Variants in MIAT observed in about 807,000 individuals in gnomAD.
MIAT encodes the protein MI related novel mRNA.
rs150465374 is a variant in MIAT, at chr22:26,656,933, T to TA, written n.647-6377dup. On this transcript the variant is annotated intron_variant and non_coding_transcript_variant, in intron 2 of 5. Coordinates refer to ENST00000643270, the Ensembl canonical transcript of MIAT. ...CTAAAACAATAAGAATAAATAATAA[T>TA]AAAAAATTCAAGATTAAACCTATAA... Among the ~76,000 whole-genome samples, 254 of 152,182 alleles carry TA rather than the reference T, an allele frequency of 1.7e-3. 6 individuals carry two copies. In the East Asian group the frequency reaches 0.041, roughly 25 times the overall value.
At chr22:26,673,716 C>T (rs2146022296), downstream of MIAT, 1 of 398,570 alleles carries the variant, frequency 2.5e-6, no homozygotes, top group Non-Finnish European at 4.4e-6. Context: ...CAGGGAAAAG[C>T]ATAGCTAACA....
intron 2 of MIAT, among the ~76,000 whole-genome samples, chr22:26,656,423 C>T (rs1930456385): frequency 6.6e-6 from 1 of 151,204 alleles, no homozygotes; most frequent in African/African-American, 2.4e-5. Context: ...CTCCCGGGTT[C>T]GAGTGATTCT....
chr22:26,664,005 CTTTTTTTTTTTTTTT>C (rs202155948), intron 3 of MIAT, among the ~76,000 whole-genome samples: 1 of 116,266 alleles, frequency 8.6e-6, no homozygotes. Flanking sequence ...CTGTGTTCAG[CTTTTTTTTTTTTTTT>C]TTTTTTTTTG....
exon 4 of MIAT, chr22:26,666,398 C>G: frequency 2.5e-6 from 1 of 398,682 alleles, no homozygotes; most frequent in South Asian, 1.3e-4. Context: ...AGAAAAATAA[C>G]TGAGGCTGGG....
At chr22:26,670,759 G>GT, downstream of MIAT, 2 of 398,568 alleles carry the variant, frequency 5.0e-6, no homozygotes, top group Non-Finnish European at 8.8e-6. Context: ...TTTTATGGCC[G>GT]TAGAATCTTT....
chr22:26,657,326 C>T (rs1304578141), intron 2 of MIAT: 2 of 395,254 alleles, frequency 5.1e-6, no homozygotes, highest in Non-Finnish European at 8.9e-6. Context: ...GGTTGCACCC[C>T]GCTTTCCTGG....
rs201658637 is a variant in MIAT at position 26,659,820 on chromosome 22, TTTTC to T, written n.647-3476_647-3473del. 8.0e-4 allele frequency among the ~76,000 whole-genome samples: 106 copies of T among 132,192 alleles called. 1 individual carries two copies. The highest frequency in any genetic ancestry group is 3.9e-3 in the Middle Eastern group (1 of 256). 86.7% of individuals were successfully genotyped at this position (132,192 alleles called of 152,430 possible). A position where few individuals can be genotyped will look rare whatever the true frequency, so the allele number is the denominator to read the frequency against. ...AGAAAACTCCATTTTCTTTTTTTCT[TTTTC>T]TTTCTTTCTTTCTTTCTTTTTTTTT... On this transcript the variant is annotated intron_variant and non_coding_transcript_variant, in intron 2 of 5. Coordinates refer to ENST00000643270, the Ensembl canonical transcript of MIAT.
intron 3 of MIAT, among the ~76,000 whole-genome samples, chr22:26,664,985 C>G (rs550248037): frequency 2.0e-5 from 3 of 152,242 alleles, no homozygotes; most frequent in African/African-American, 7.2e-5. Flanking sequence ...GCCTGTAATC[C>G]CAGCACTTTG....
At chr22:26,654,731 G>T (rs554582280) in intron 2 of MIAT, among the ~76,000 whole-genome samples, 1 of 151,644 alleles carries the variant, frequency 6.6e-6, no homozygotes, top group South Asian at 2.1e-4. Context: ...AATTTTTTTT[G>T]AGACAGAGTC....
At chr22:26,673,166 A>G, downstream of MIAT, 1 of 398,664 alleles carries the variant, frequency 2.5e-6, no homozygotes. Context: ...TCAGGGGCTC[A>G]CAGGGTTCCC....
At chr22:26,661,407 T>G (rs1271279042) in intron 2 of MIAT, among the ~76,000 whole-genome samples, 1 of 152,170 alleles carries the variant, frequency 6.6e-6, no homozygotes, top group Admixed American at 6.5e-5. Context: ...TGGGCCCCTC[T>G]GGAAGCTACC....
At chr22:26,665,713 AG>A (rs1199798458) in exon 4 of MIAT, 1 of 398,458 alleles carries the variant, frequency 2.5e-6, no homozygotes, top group Non-Finnish European at 4.4e-6. Context: ...CCAAAGTGGG[AG>A]GGGAAATGGG....
chr22:26,668,688 G>A (rs558308317), exon 6 of MIAT: 9 of 399,026 alleles, frequency 2.3e-5, no homozygotes, highest in Non-Finnish European at 3.1e-5. Flanking sequence ...CTCGGGTGCC[G>A]CTGGCTGGAG....
intron 2 of MIAT, among the ~76,000 whole-genome samples, chr22:26,660,435 T>C (rs1930621726): frequency 7.2e-6 from 1 of 138,570 alleles, no homozygotes; most frequent in Admixed American, 7.9e-5. Context: ...ACCACCGTAC[T>C]CTAGCCTGGG....
chr22:26,655,291 G>C (rs1262564065), intron 2 of MIAT, among the ~76,000 whole-genome samples: 1 of 152,146 alleles, frequency 6.6e-6, no homozygotes, highest in Non-Finnish European at 1.5e-5. Flanking sequence ...TGAAGACCAG[G>C]GCTGGTCCCA....
intron 2 of MIAT, chr22:26,650,551 C>T (rs371820917): frequency 6.6e-6 from 1 of 152,340 alleles, no homozygotes; most frequent in East Asian, 1.9e-4. Flanking sequence ...CTGGGGTGAT[C>T]CAGGCTTATA....
chr22:26,646,656 G>T (rs1343812772), exon 1 of MIAT: 2 of 398,562 alleles, frequency 5.0e-6, no homozygotes, highest in Non-Finnish European at 8.8e-6. Context: ...GGGAGAGATT[G>T]TGTGTCCCCG....
intron 2 of MIAT, chr22:26,647,327 G>C: frequency 8.8e-6 from 2 of 228,218 alleles, no homozygotes; most frequent in East Asian, 1.4e-4. Flanking sequence ...CTTCTCCCAT[G>C]ATGAACCTCA....
rs146212657 is a variant in MIAT at position 26,665,821 on chromosome 22, T to G, written n.1020T>G. 551 of 398,626 alleles carry G rather than the reference T, an allele frequency of 1.4e-3. 2 individuals are homozygous for G. The highest frequency in any genetic ancestry group is 0.01 in the African/African-American group (496 of 48,742). The allele number at this position is 398,626 out of a possible 1,614,324, so 24.7% of individuals were successfully genotyped here. The stretch of plus-strand genomic sequence containing the variant: ...GAAAGGGTGATTTTCACACTTCACA[T>G]TTGGCGTTAGGGCTAGTATTTCACA... On this transcript the variant is annotated non_coding_transcript_exon_variant, in exon 4 of 6. Transcript: ENST00000643270.
Sources: gnomAD v4.1 joint callset for allele counts (sites outside exome capture counted in the v4.1 genomes callset) on GRCh38, gnomAD v4.1.1 for gene constraint, MANE v1.5 for transcripts, NCBI Gene and HGNC (gene_info 2026-07-23, HGNC 2026-07-21) for gene names.